The following PARD3B variants were observed in gnomAD, a reference collection of about 807,000 sequenced individuals.
PARD3B encodes par-3 family cell polarity regulator beta.
Under a neutral mutation model 130.2 loss-of-function variants are expected in PARD3B, and 103 were observed. That is an observed-to-expected ratio of 0.79 (90% CI 0.67 to 0.93). The LOEUF is 0.93. Among genes scored for constraint, PARD3B ranks in the 40% least tolerant of loss-of-function variants. The probability of loss-of-function intolerance (pLI) is 0.00; values close to 1 mark genes in which losing one functional copy is unlikely to be tolerated. For missense variants in PARD3B, 1,609 were observed against 1,499.2 expected, an observed-to-expected ratio of 1.07 and a Z score of -1.21; for synonymous variants, 583 against 553.2, an observed-to-expected ratio of 1.05 and a Z score of -0.76.
intron 21 of PARD3B, among the ~76,000 whole-genome samples, chr2:205,506,532 A>G (rs1222394196): frequency 2.0e-5 from 3 of 152,314 alleles, no homozygotes; most frequent in South Asian, 2.1e-4. Context: ...GACAAGAGAC[A>G]AATCTGGTGA....
At chr2:205,316,956 A>G (rs186544293) in intron 18 of PARD3B, among the ~76,000 whole-genome samples, 3 of 152,352 alleles carry the variant, frequency 2.0e-5, no homozygotes, top group Admixed American at 6.5e-5. Flanking sequence ...CCTAATAAGT[A>G]TAGTCTTAGT....
At chr2:205,523,219 G>T (rs113220664) in intron 21 of PARD3B, among the ~76,000 whole-genome samples, 2 of 113,746 alleles carry the variant, frequency 1.8e-5, no homozygotes, top group East Asian at 5.4e-4. Context: ...ATGTGTGTGT[G>T]TGTGTGTATA....
intron 18 of PARD3B, among the ~76,000 whole-genome samples, chr2:205,311,167 A>G (rs999810512): frequency 6.6e-6 from 1 of 152,134 alleles, no homozygotes; most frequent in African/African-American, 2.4e-5. Flanking sequence ...CGACATACCA[A>G]TTTCATTTCC....
intron 2 of PARD3B, among the ~76,000 whole-genome samples, chr2:204,858,001 A>G (rs2045023965): frequency 6.6e-6 from 1 of 152,100 alleles, no homozygotes; most frequent in South Asian, 2.1e-4. Flanking sequence ...TGTCTTTCAA[A>G]CGGTACTTCA....
At chr2:205,500,473 C>A (rs2050118070) in intron 21 of PARD3B, among the ~76,000 whole-genome samples, 1 of 152,034 alleles carries the variant, frequency 6.6e-6, no homozygotes. Flanking sequence ...GCTGATCTTA[C>A]CGGCATACTA....
At chr2:205,222,127 T>C (rs1310486971) in intron 15 of PARD3B, among the ~76,000 whole-genome samples, 3 of 151,542 alleles carry the variant, frequency 2.0e-5, no homozygotes, top group African/African-American at 7.3e-5. Flanking sequence ...ATCCCAGTAA[T>C]TTTCTCATGA....
At chr2:204,798,997 A>G (rs1451478744) in intron 2 of PARD3B, among the ~76,000 whole-genome samples, 1 of 151,996 alleles carries the variant, frequency 6.6e-6, no homozygotes, top group Non-Finnish European at 1.5e-5. Context: ...GCTTGAGGAA[A>G]GGAGAAGGAA....
At chr2:204,960,721 G>A (rs1373245130) in intron 2 of PARD3B, among the ~76,000 whole-genome samples, 1 of 152,008 alleles carries the variant, frequency 6.6e-6, no homozygotes, top group Admixed American at 6.6e-5. Context: ...CGAGCCAATG[G>A]GGATACACAA....
At chr2:205,486,966 T>G (rs532688826) in intron 20 of PARD3B, among the ~76,000 whole-genome samples, 1 of 152,318 alleles carries the variant, frequency 6.6e-6, no homozygotes, top group African/African-American at 2.4e-5. Context: ...AACATGTTCA[T>G]AAATTCTTGG....
At chr2:204,973,628 C>T (rs1691899672) in intron 3 of PARD3B, among the ~76,000 whole-genome samples, 3 of 151,218 alleles carry the variant, frequency 2.0e-5, no homozygotes, top group Admixed American at 2.0e-4. Context: ...ATCTTAAGGA[C>T]AAGTCACTCA....
At chr2:204,879,293 A>G (rs1168138767) in intron 2 of PARD3B, among the ~76,000 whole-genome samples, 1 of 152,164 alleles carries the variant, frequency 6.6e-6, no homozygotes, top group African/African-American at 2.4e-5. Context: ...CACAAAGTGT[A>G]GTTGGTTTTG....
chr2:204,870,182 TAG>T (rs2045577703), intron 2 of PARD3B, among the ~76,000 whole-genome samples: 1 of 152,114 alleles, frequency 6.6e-6, no homozygotes, highest in African/African-American at 2.4e-5. Flanking sequence ...GATGGGGTGG[TAG>T]AGAAAGTCCC....
rs184081975 is a variant in PARD3B at position 204,907,050 on chromosome 2, G to A, written c.223-58102G>A. Among the ~76,000 whole-genome samples the A allele has an allele frequency of 2.4e-4, 36 of 151,748 alleles. No homozygotes were observed. Among genetic ancestry groups the A allele is most frequent in the Admixed American group, 5.2e-4 (8 of 15,250 alleles). On this transcript the variant is annotated intron_variant, in intron 2 of 22. Transcript: ENST00000406610. This position sits in a 1 kb window ranked among gnomAD's most constrained non-coding sequence, Gnocchi z 5.7. ...GGCTGGAGTTCAGTGGCACGATCTCGGCTCACTGTAACCTCCACCTCCCGG... is the reference window on the plus strand; with the variant it reads ...GGCTGGAGTTCAGTGGCACGATCTCAGCTCACTGTAACCTCCACCTCCCGG...
intron 2 of PARD3B, among the ~76,000 whole-genome samples, chr2:204,856,812 C>A: frequency 6.6e-6 from 1 of 152,102 alleles, no homozygotes; most frequent in East Asian, 1.9e-4. Context: ...CCAATTTTGG[C>A]ACCTGTGTGT....
intron 22 of PARD3B, among the ~76,000 whole-genome samples, chr2:205,573,545 G>A (rs2053634231): frequency 6.6e-6 from 1 of 152,164 alleles, no homozygotes; most frequent in Non-Finnish European, 1.5e-5. Context: ...AGGAAACTGA[G>A]ATTTTAAGAC....
intron 4 of PARD3B, among the ~76,000 whole-genome samples, chr2:205,074,544 C>T (rs1030528155): frequency 6.6e-6 from 1 of 152,162 alleles, no homozygotes; most frequent in African/African-American, 2.4e-5. Flanking sequence ...GACTTAGTTG[C>T]TCTGCCCTCT....
At chr2:205,185,686 G>A in intron 13 of PARD3B, 78 bp from the exon 14 acceptor site, 3 of 1,199,784 alleles carry the variant, frequency 2.5e-6, no homozygotes, top group South Asian at 2.5e-5. Flanking sequence ...CTGCGTCTGA[G>A]AGAGATACTG....
intron 10 of PARD3B, among the ~76,000 whole-genome samples, chr2:205,129,265 G>C (rs896641277): frequency 1.3e-5 from 2 of 152,316 alleles, no homozygotes; most frequent in African/African-American, 4.8e-5. Flanking sequence ...ATAAGGAAAA[G>C]CACTCTTTTT....
At chr2:204,945,142 A>ATCAG (rs1225384604) in intron 2 of PARD3B, among the ~76,000 whole-genome samples, 1 of 152,228 alleles carries the variant, frequency 6.6e-6, no homozygotes, top group Non-Finnish European at 1.5e-5. Context: ...CAATACACTG[A>ATCAG]GTCAGCAGAG....
Sources: gnomAD v4.1 joint callset for allele counts (sites outside exome capture counted in the v4.1 genomes callset) on GRCh38, gnomAD v4.1.1 for gene constraint, Gnocchi (gnomAD v3.1) non-coding constraint, MANE v1.5 for transcripts, NCBI Gene and HGNC (gene_info 2026-07-23, HGNC 2026-07-21) for gene names.